Variants in TJP1 observed in about 807,000 individuals in gnomAD.
TJP1 encodes the protein tight junction protein ZO-1.
A neutral mutation model predicts 194.2 loss-of-function variants in TJP1; 43 were observed. The ratio of observed to expected loss-of-function variants is 0.22; its 90% CI spans 0.17 to 0.29. The LOEUF is 0.29. Ranked by LOEUF, TJP1 falls within the 10% of genes least tolerant of loss-of-function variation. The probability of loss-of-function intolerance (pLI) is 1.00; values close to 1 mark genes in which losing one functional copy is unlikely to be tolerated. For synonymous variants in TJP1, 801 were observed against 779.0 expected, an observed-to-expected ratio of 1.03 and a Z score of -0.47; for missense variants, 1,971 against 2,185.7, an observed-to-expected ratio of 0.90 and a Z score of 1.96.
At chr15:29,926,740 T>C (rs1355506657) in intron 2 of TJP1, among the ~76,000 whole-genome samples, 1 of 152,234 alleles carries the variant, frequency 6.6e-6, no homozygotes, top group African/African-American at 2.4e-5. Context: ...TGCTTCTTAT[T>C]GTAAGGAATA....
At chr15:29,833,883 T>TATATATATATA (rs1451785597) in intron 2 of TJP1, among the ~76,000 whole-genome samples, 1 of 9,838 alleles carries the variant, frequency 1.0e-4, no homozygotes, top group Non-Finnish European at 2.2e-4. Context: ...ATATATATAT[T>TATATATATATA]TTTTTTTTTT....
At chr15:29,954,627 G>T (rs908374504) in intron 2 of TJP1, among the ~76,000 whole-genome samples, 11 of 151,796 alleles carry the variant, frequency 7.2e-5, no homozygotes, top group Admixed American at 4.6e-4. Flanking sequence ...TCTGTTCTTG[G>T]TTAAATGTCT....
At chr15:29,938,433 G>A (rs17762297) in intron 2 of TJP1, among the ~76,000 whole-genome samples, 14,932 of 152,030 alleles carry the variant, frequency 0.098, 980 homozygotes, top group East Asian at 0.3. Flanking sequence ...TTATGAAATC[G>A]TCAAAAATCA....
chr15:29,885,192 T>A (rs2053074780), intron 2 of TJP1, among the ~76,000 whole-genome samples: 1 of 152,188 alleles, frequency 6.6e-6, no homozygotes, highest in African/African-American at 2.4e-5. Context: ...TGATAGGGAA[T>A]CCTAACACTC....
At chr15:29,872,487 TCTG>T (rs2052560681) in intron 2 of TJP1, among the ~76,000 whole-genome samples, 1 of 152,132 alleles carries the variant, frequency 6.6e-6, no homozygotes, top group South Asian at 2.1e-4. Context: ...TCCACGGAGG[TCTG>T]CCCTCTGACA....
chr15:29,723,640 C>T (rs759488293), intron 18 of TJP1, among the ~76,000 whole-genome samples: 5 of 152,194 alleles, frequency 3.3e-5, no homozygotes, highest in Non-Finnish European at 5.9e-5. Flanking sequence ...AAAATCATCA[C>T]CTACATGGTG....
upstream of TJP1, among the ~76,000 whole-genome samples, chr15:29,824,923 A>C (rs1248140368): frequency 6.6e-6 from 1 of 152,208 alleles, no homozygotes; most frequent in Non-Finnish European, 1.5e-5. Context: ...AAATCAAACA[A>C]AAATATTTCA....
chr15:29,935,161 T>C (rs1051123023), intron 2 of TJP1, among the ~76,000 whole-genome samples: 11 of 152,240 alleles, frequency 7.2e-5, no homozygotes, highest in Non-Finnish European at 1.5e-4. Flanking sequence ...CACTTGTAGA[T>C]CTCCTAGGTC....
chr15:29,807,180 T>C (rs2049165948), intron 1 of TJP1, among the ~76,000 whole-genome samples: 1 of 152,192 alleles, frequency 6.6e-6, no homozygotes, highest in African/African-American at 2.4e-5. Context: ...TTAGGAAATA[T>C]TAGTCGGAAA....
chr15:29,740,363 C>G (rs1052972343), intron 10 of TJP1, among the ~76,000 whole-genome samples: 1 of 152,218 alleles, frequency 6.6e-6, no homozygotes, highest in Admixed American at 6.5e-5. Context: ...CAGTGGCTCA[C>G]ATCTGTAATC....
intron 2 of TJP1, among the ~76,000 whole-genome samples, chr15:29,830,915 G>A (rs950051904): frequency 2.0e-5 from 3 of 152,030 alleles, no homozygotes; most frequent in Non-Finnish European, 4.4e-5. Context: ...ACAACAAGTA[G>A]CTCTTATTGG....
intron 8 of TJP1, chr15:29,759,137 T>C (rs1260948882): frequency 6.6e-6 from 1 of 152,202 alleles, no homozygotes; most frequent in African/African-American, 2.4e-5. Context: ...TTCTTACTTC[T>C]CCCTCGCCTC....
chr15:29,761,496 T>A, intron 7 of TJP1, 105 bp downstream of exon 7: 1 of 1,420,020 alleles, frequency 7.0e-7, no homozygotes, highest in African/African-American at 1.4e-5. Flanking sequence ...TTTGAAGGTG[T>A]TTGGCTGGTA....
intron 2 of TJP1, among the ~76,000 whole-genome samples, chr15:29,828,162 G>C (rs2050731064): frequency 6.6e-6 from 1 of 152,286 alleles, no homozygotes; most frequent in East Asian, 1.9e-4. Context: ...TATGTGTGGA[G>C]ACAGAGGAGA....
At chr15:29,876,494 C>G (rs1033667271) in intron 2 of TJP1, among the ~76,000 whole-genome samples, 2 of 150,970 alleles carry the variant, frequency 1.3e-5, no homozygotes, top group African/African-American at 2.4e-5. Flanking sequence ...GCACTCCAGC[C>G]TGGGCAACAG....
chr15:29,703,380 G>C (rs1390887799), intron 27 of TJP1, among the ~76,000 whole-genome samples: 3 of 152,030 alleles, frequency 2.0e-5, no homozygotes, highest in Non-Finnish European at 4.4e-5. Flanking sequence ...GAAGGTTGCA[G>C]TGAGCTGAGA....
chr15:29,706,231 C>T (rs979265716), intron 25 of TJP1, among the ~76,000 whole-genome samples: 2 of 152,056 alleles, frequency 1.3e-5, no homozygotes, highest in Non-Finnish European at 2.9e-5. Context: ...CCGCGCCTGG[C>T]GAGAATATTA....
At chr15:29,841,251 C>T (rs543566017) in intron 2 of TJP1, among the ~76,000 whole-genome samples, 8 of 152,126 alleles carry the variant, frequency 5.3e-5, no homozygotes, top group Admixed American at 2.0e-4. Context: ...GTAACCTAGA[C>T]GAGGCTGCAG....
intron 2 of TJP1, among the ~76,000 whole-genome samples, chr15:29,939,135 T>C (rs555948236): frequency 6.6e-6 from 1 of 152,342 alleles, no homozygotes; most frequent in South Asian, 2.1e-4. Flanking sequence ...TAATGCCTTA[T>C]GTAAGGTTCC....
Sources: allele counts gnomAD v4.1 joint callset (sites outside exome capture counted in the v4.1 genomes callset), GRCh38; gene constraint gnomAD v4.1.1; transcripts MANE v1.5; gene names NCBI Gene and HGNC (gene_info 2026-07-23, HGNC 2026-07-21).